RNGTT: variants seen among roughly 807,000 people sequenced by gnomAD.
RNGTT encodes the protein mRNA-capping enzyme.
RNGTT carries 33 observed loss-of-function variants against 79.3 expected under a neutral mutation model. That is an observed-to-expected ratio of 0.42 (90% CI 0.32 to 0.56). The LOEUF (loss-of-function observed/expected upper bound fraction) is 0.56, where lower values mean the gene tolerates loss of function less well. RNGTT is among the 20% of genes least tolerant of loss of function. The pLI is 0.17. For synonymous variants in RNGTT, 222 were observed against 235.9 expected (o/e 0.94, Z 0.54); for missense variants, 497 against 739.1 (o/e 0.67, Z 3.80).
At position 88,698,235 on chromosome 6, in the gene RNGTT, A is replaced by AAT. The variant is rs1276791462; in HGVS notation, c.1440-19818_1440-19817dup. ...AAATATATATATCATATATATATGA[A>AAT]ATATATATATGAAATATATATATAA... is the stretch of plus-strand genomic sequence containing the variant. On this transcript the variant is annotated intron_variant, in intron 13 of 15. Transcript: ENST00000369485. Among the ~76,000 whole-genome samples the AAT allele has an allele frequency of 1.7e-5, 2 of 115,988 alleles. 1 individual carries two copies. Among genetic ancestry groups the AAT allele is most frequent in the Non-Finnish European group, 3.3e-5 (2 of 61,152 alleles). The allele number at this position is 115,988 out of a possible 152,430, so 76.1% of individuals were successfully genotyped here.
intron 6 of RNGTT, among the ~76,000 whole-genome samples, chr6:88,901,235 A>C (rs1273099887): frequency 6.6e-6 from 1 of 152,094 alleles, no homozygotes; most frequent in Non-Finnish European, 1.5e-5. Context: ...ACAATACTTA[A>C]AAAGATAACA....
intron 13 of RNGTT, among the ~76,000 whole-genome samples, chr6:88,690,988 T>A (rs1387181448): frequency 6.6e-6 from 1 of 152,116 alleles, no homozygotes; most frequent in Non-Finnish European, 1.5e-5. Context: ...CCATACAACA[T>A]CATGAATGAA....
At chr6:88,923,253 T>C (rs994183859) in intron 4 of RNGTT, among the ~76,000 whole-genome samples, 2 of 152,236 alleles carry the variant, frequency 1.3e-5, no homozygotes, top group Non-Finnish European at 2.9e-5. Context: ...TTGATGATTG[T>C]TGTTTCCAGG....
intron 13 of RNGTT, among the ~76,000 whole-genome samples, chr6:88,740,236 G>A (rs567224210): frequency 2.0e-4 from 31 of 152,184 alleles, no homozygotes; most frequent in Non-Finnish European, 3.5e-4. Flanking sequence ...ATGAAAACGG[G>A]ATCAGGCATG....
At chr6:88,697,891 T>TATATATATATGATATATATATGAA (rs1775739327) in intron 13 of RNGTT, among the ~76,000 whole-genome samples, 2 of 88,718 alleles carry the variant, frequency 2.3e-5, no homozygotes, top group Non-Finnish European at 3.8e-5. Flanking sequence ...ATATATATGA[T>TATATATATATGATATATATATGAA]ATATATATAT....
intron 6 of RNGTT, among the ~76,000 whole-genome samples, chr6:88,903,446 ATTG>A (rs1330829625): frequency 6.6e-6 from 1 of 152,174 alleles, no homozygotes; most frequent in Admixed American, 6.5e-5. Context: ...TTAGAATGTG[ATTG>A]TTATTTTTCT....
At chr6:88,730,592 G>A (rs930300794) in intron 13 of RNGTT, among the ~76,000 whole-genome samples, 1 of 152,212 alleles carries the variant, frequency 6.6e-6, no homozygotes, top group Non-Finnish European at 1.5e-5. Flanking sequence ...AAGAATCTAA[G>A]GCTGCCACTG....
At chr6:88,828,662 C>T (rs558010703) in intron 11 of RNGTT, among the ~76,000 whole-genome samples, 19 of 152,060 alleles carry the variant, frequency 1.2e-4, no homozygotes, top group African/African-American at 4.3e-4. Context: ...AGAGGAATTG[C>T]TAACTAGAAT....
chr6:88,683,857 G>C (rs1775180200), intron 13 of RNGTT, among the ~76,000 whole-genome samples: 1 of 151,784 alleles, frequency 6.6e-6, no homozygotes, highest in African/African-American at 2.4e-5. Context: ...TCTACAAAAA[G>C]TATAAAAAGT....
At chr6:88,882,700 G>C (rs2127928675) in intron 8 of RNGTT, among the ~76,000 whole-genome samples, 1 of 152,316 alleles carries the variant, frequency 6.6e-6, no homozygotes, top group Admixed American at 6.5e-5. Flanking sequence ...CTGCCCTCAT[G>C]CATGGGATTA....
intron 12 of RNGTT, among the ~76,000 whole-genome samples, chr6:88,794,065 A>C (rs1041139080): frequency 2.6e-5 from 4 of 152,226 alleles, no homozygotes; most frequent in Non-Finnish European, 5.9e-5. Context: ...TATGACCATA[A>C]GAGAATTTCA....
chr6:88,799,661 T>C (rs1022982594), intron 12 of RNGTT, among the ~76,000 whole-genome samples: 11 of 145,184 alleles, frequency 7.6e-5, no homozygotes, highest in South Asian at 2.2e-4. Flanking sequence ...CATTGCGCCA[T>C]TGCACTTCAG....
In RNGTT at chr6:88,642,933, C is replaced by T. The variant is rs544332355; in HGVS notation, c.1507-28538G>A. Among the ~76,000 whole-genome samples, 38 of 152,226 alleles carry T rather than the reference C, an allele frequency of 2.5e-4. 1 individual carries two copies. In the East Asian group the frequency reaches 5.8e-3, roughly 23 times the overall value. ...TTGAAAAAATTATCTTTGATCTCAA[C>T]GCAAATGTCTAACCTTGAAAATAAT... On this transcript the variant is annotated intron_variant, in intron 14 of 15. Transcript: ENST00000369485.
intron 11 of RNGTT, among the ~76,000 whole-genome samples, chr6:88,806,024 T>C (rs1779942258): frequency 6.6e-6 from 1 of 152,034 alleles, no homozygotes; most frequent in South Asian, 2.1e-4. Flanking sequence ...CACCCACAAA[T>C]GAAGCCTATT....
At chr6:88,861,445 C>T (rs773153535) in intron 8 of RNGTT, among the ~76,000 whole-genome samples, 1 of 152,168 alleles carries the variant, frequency 6.6e-6, no homozygotes, top group Non-Finnish European at 1.5e-5. Context: ...CTCTCATTAC[C>T]TCACTGCTCA....
At chr6:88,763,503 T>C (rs997680683) in intron 13 of RNGTT, among the ~76,000 whole-genome samples, 3 of 152,188 alleles carry the variant, frequency 2.0e-5, no homozygotes, top group African/African-American at 7.2e-5. Flanking sequence ...TCAACATCCA[T>C]GTGTAAGGAC....
chr6:88,643,518 T>G lies in RNGTT; in HGVS notation c.1507-29123A>C, dbSNP rs185264709. 1.4e-4 allele frequency among the ~76,000 whole-genome samples: 21 copies of G among 152,202 alleles called. No homozygotes were observed. The East Asian group carries it at 2.1e-3, about 15-fold the overall frequency. On this transcript the variant is annotated intron_variant, in intron 14 of 15. Transcript: ENST00000369485. ...CAAGTGGACCTAATAGACATCTACA[T>G]AACTCTCCACCCCAAATCAACAGAA...
At chr6:88,726,224 C>T (rs1776899186) in intron 13 of RNGTT, among the ~76,000 whole-genome samples, 1 of 152,120 alleles carries the variant, frequency 6.6e-6, no homozygotes. Flanking sequence ...CACTGACAAT[C>T]CATAGCCTTC....
chr6:88,838,102 G>A (rs1361301637), intron 11 of RNGTT, among the ~76,000 whole-genome samples: 1 of 152,126 alleles, frequency 6.6e-6, no homozygotes, highest in African/African-American at 2.4e-5. Context: ...CAGCTTTCAA[G>A]TTTAAAACCT....
Sources: allele counts gnomAD v4.1 joint callset (sites outside exome capture counted in the v4.1 genomes callset), GRCh38; gene constraint gnomAD v4.1.1; transcripts MANE v1.5; gene names NCBI Gene and HGNC (gene_info 2026-07-23, HGNC 2026-07-21).